KIAA1549: variants seen among roughly 807,000 people sequenced by gnomAD.
The protein encoded by KIAA1549 is UPF0606 protein KIAA1549.
Under a neutral mutation model 156.4 loss-of-function variants are expected in KIAA1549, and 70 were observed. That is an observed-to-expected ratio of 0.45 (90% CI 0.37 to 0.55). KIAA1549 has a LOEUF of 0.55. Ranked by LOEUF, KIAA1549 falls within the 20% of genes least tolerant of loss-of-function variation. The pLI is 0.00. For missense variants in KIAA1549, 2,428 were observed against 2,540.9 expected, an observed-to-expected ratio of 0.96 and a Z score of 0.96; for synonymous variants, 1,103 against 1,066.4, an observed-to-expected ratio of 1.03 and a Z score of -0.67.
chr7:138,927,631 C>T (rs549390506), intron 1 of KIAA1549, among the ~76,000 whole-genome samples: 10 of 152,242 alleles, frequency 6.6e-5, no homozygotes, highest in East Asian at 1.9e-4. Context: ...AGCAAGACTT[C>T]GTCTTAAAAA....
At chr7:138,875,425 G>A (rs1047313940) in intron 12 of KIAA1549, among the ~76,000 whole-genome samples, 2 of 151,942 alleles carry the variant, frequency 1.3e-5, no homozygotes, top group East Asian at 1.9e-4. Context: ...CAGGAGGATC[G>A]CTTGAGCCCA....
intron 1 of KIAA1549, among the ~76,000 whole-genome samples, chr7:138,922,438 T>G (rs761621652): frequency 8.5e-5 from 13 of 152,078 alleles, no homozygotes; most frequent in Non-Finnish European, 1.5e-4. Context: ...GAAAGTATTT[T>G]TTTAAAAGGC....
intron 2 of KIAA1549, among the ~76,000 whole-genome samples, chr7:138,912,913 C>T (rs1584750652): frequency 6.6e-6 from 1 of 152,180 alleles, no homozygotes; most frequent in African/African-American, 2.4e-5. Context: ...CCCGCTCTGT[C>T]GCCCAGGCTG....
At chr7:138,980,807 A>G (rs1814522005) in intron 1 of KIAA1549, among the ~76,000 whole-genome samples, 1 of 152,238 alleles carries the variant, frequency 6.6e-6, no homozygotes, top group South Asian at 2.1e-4. Flanking sequence ...AGATGAAGCC[A>G]CCAGACCCGC....
Position 138,837,964 on chromosome 7 carries a change from C to T in KIAA1549, c.5795G>A (p.Arg1932His), listed in dbSNP as rs757094385. The T allele has an allele frequency of 1.9e-6, 3 of 1,613,746 alleles. No homozygotes were observed. Among genetic ancestry groups the T allele is most frequent in the Non-Finnish European group, 2.5e-6 (3 of 1,179,844 alleles). The change falls in exon 20 of 20, where the codon CGC becomes CAC. Residue 1932 changes from arginine to histidine, a missense_variant. By Grantham distance (29) the Arg-to-His change is conservative. Around this residue, in one of 5 missense-constraint regions of KIAA1549, gnomAD observed 363 missense variants for 354.0 expected, o/e 1.03. Coordinates refer to ENST00000422774, the MANE Select transcript of KIAA1549 (RefSeq NM_001164665.2). ...CTGGGAGAGCCGGAGGAGCTCCTCG[C>T]GGATTGCTTTGATGAGAGAGGCCGA... is the stretch of plus-strand genomic sequence containing the variant. ...HSSASLIKAI[R>H]EELLRLSQKQ...
rs1332775507 is a variant in KIAA1549, at chr7:138,833,304, T to G, written c.*4602A>C. Reference sequence around the variant, plus strand: ...TAGTGTGAAAGGGATGAGAGAGACTTATATAACAACTAATTTGTGAATTAC... The same window carrying G: ...TAGTGTGAAAGGGATGAGAGAGACTGATATAACAACTAATTTGTGAATTAC... On this transcript the variant is annotated 3_prime_UTR_variant, in exon 20 of 20. Transcript: ENST00000422774. The G allele has an allele frequency of 1.7e-5, 4 of 232,494 alleles. No homozygotes were observed. The highest frequency in any genetic ancestry group is 8.8e-5 in the African/African-American group (4 of 45,292). 14.4% of individuals were successfully genotyped at this position (232,494 alleles called of 1,614,324 possible).
At chr7:138,969,021 C>A (rs901628345) in intron 1 of KIAA1549, among the ~76,000 whole-genome samples, 2 of 152,046 alleles carry the variant, frequency 1.3e-5, no homozygotes, top group Admixed American at 6.6e-5. Context: ...CATATTATTT[C>A]ATCACCCAGG....
At chr7:138,869,057 ACC>A (rs1810841027) in intron 14 of KIAA1549, among the ~76,000 whole-genome samples, 1 of 152,106 alleles carries the variant, frequency 6.6e-6, no homozygotes, top group Non-Finnish European at 1.5e-5. Flanking sequence ...GGAAGGTAAG[ACC>A]CCAGACCCTG....
In KIAA1549 at chr7:138,837,903, C is replaced by G. The variant is rs775017491; in HGVS notation, c.*3G>C. Reference sequence around the variant, plus strand: ...ACTTGGCAAATCTGCGAGGCGAGGCCGATCAGCTGTGGAAGTTCTGCACGG... The same window carrying G: ...ACTTGGCAAATCTGCGAGGCGAGGCGGATCAGCTGTGGAAGTTCTGCACGG... On this transcript the variant is annotated 3_prime_UTR_variant, in exon 20 of 20. Transcript: ENST00000422774. The G allele has an allele frequency of 1.9e-6, 3 of 1,612,988 alleles. No individual in the cohort carries two copies. In the South Asian group the frequency reaches 3.3e-5, roughly 18 times the overall value.
chr7:138,901,137 C>T (rs1235916275), intron 8 of KIAA1549, among the ~76,000 whole-genome samples: 1 of 152,056 alleles, frequency 6.6e-6, no homozygotes, highest in Non-Finnish European at 1.5e-5. Flanking sequence ...AGAAATTACA[C>T]AGCCAATTAA....
intron 1 of KIAA1549, among the ~76,000 whole-genome samples, chr7:138,973,171 C>T (rs1170152472): frequency 1.3e-5 from 2 of 152,196 alleles, no homozygotes; most frequent in Non-Finnish European, 2.9e-5. Flanking sequence ...ACAATCAAGT[C>T]TAAAACATGT....
intron 1 of KIAA1549, among the ~76,000 whole-genome samples, chr7:138,940,002 A>T (rs1813130179): frequency 6.6e-6 from 1 of 152,046 alleles, no homozygotes; most frequent in Non-Finnish European, 1.5e-5. Context: ...TTTTTTTTTT[A>T]ATTTTAATTT....
At chr7:138,844,579 C>T in intron 17 of KIAA1549, 105 bp from the exon 18 acceptor site, 1 of 1,065,758 alleles carries the variant, frequency 9.4e-7, no homozygotes, top group Non-Finnish European at 1.3e-6. Flanking sequence ...TATTTGTCTA[C>T]CTGCTTAGCC....
chr7:138,938,387 T>C (rs1294853237), intron 1 of KIAA1549, among the ~76,000 whole-genome samples: 1 of 152,216 alleles, frequency 6.6e-6, no homozygotes, highest in African/African-American at 2.4e-5. Context: ...ACACATATTA[T>C]TCATTCTCAT....
At chr7:138,870,715 A>G (rs1584718610) in intron 13 of KIAA1549, among the ~76,000 whole-genome samples, 1 of 152,354 alleles carries the variant, frequency 6.6e-6, no homozygotes, top group South Asian at 2.1e-4. Context: ...GTGATGTTTT[A>G]CATTAAGAAT....
Position 138,916,786 on chromosome 7 carries a change from C to T in KIAA1549, c.2840G>A (p.Cys947Tyr). Residue 947 changes from cysteine (C) to tyrosine (Y), a missense_variant, in exon 2 of 20, where the codon TGT (cysteine) becomes TAT (tyrosine). Cys to Tyr is a radical substitution (Grantham distance 194). Around this residue, in one of 5 missense-constraint regions of KIAA1549, gnomAD observed 762 missense variants for 901.6 expected, o/e 0.85. Coordinates refer to ENST00000422774, the MANE Select transcript of KIAA1549 (RefSeq NM_001164665.2). ...ATAGGCATCGGGGACTGTGATATCA[C>T]AAACATATGGCGGCTTGGCAGTAGC... ...TLATAKPPYV[C>Y]DITVPDAYLI... is the part of the protein sequence containing the mutation. The T allele has an allele frequency of 6.2e-7, 1 of 1,614,012 alleles. No individual in the cohort carries two copies. Among genetic ancestry groups the T allele is most frequent in the Non-Finnish European group, 8.5e-7 (1 of 1,179,890 alleles).
intron 17 of KIAA1549, 81 bp downstream of exon 17, chr7:138,852,142 G>A (rs1007919849): frequency 2.8e-5 from 26 of 912,542 alleles, no homozygotes; most frequent in Non-Finnish European, 4.4e-5. Context: ...GCTCATATTA[G>A]CTAAAATTAG....
chr7:138,903,714 C>T lies in KIAA1549; in HGVS notation c.3543G>A (p.Lys1181=), dbSNP rs1291171843. 3 of 1,602,264 alleles carry T rather than the reference C, an allele frequency of 1.9e-6. No homozygotes were observed. The highest frequency in any genetic ancestry group is 1.1e-5 in the South Asian group (1 of 88,914). ...VRTVLLGVME[K]QLQNEVFQAE... is the part of the protein sequence containing the mutation. ...CTTGAAACACTTCATTCTGGAGTTG[C>T]TTCTCCATGACGCCCAGGAGAACTA... The change falls in exon 8 of 20, where the codon AAG becomes AAA. Residue 1181 remains lysine, a synonymous_variant. Transcript: ENST00000422774.
intron 16 of KIAA1549, among the ~76,000 whole-genome samples, chr7:138,856,156 C>T (rs543578369): frequency 4.0e-5 from 6 of 151,892 alleles, no homozygotes; most frequent in Non-Finnish European, 5.9e-5. Context: ...CTCAGCCTCC[C>T]GAGTAGCTGG....
Sources: gnomAD v4.1 joint callset for allele counts (sites outside exome capture counted in the v4.1 genomes callset) on GRCh38, gnomAD v4.1.1 for gene constraint, gnomAD v4.1.1 regional missense constraint, MANE v1.5 for transcripts, NCBI Gene and HGNC (gene_info 2026-07-23, HGNC 2026-07-21) for gene names.